NXN: variants seen among roughly 807,000 people sequenced by gnomAD.
The protein encoded by NXN is nucleoredoxin.
Under a neutral mutation model 48.6 loss-of-function variants are expected in NXN, and 16 were observed. The ratio of observed to expected loss-of-function variants is 0.33; its 90% CI spans 0.22 to 0.50. The LOEUF is 0.50. NXN is among the 20% of genes least tolerant of loss of function. The pLI is 0.98. For synonymous variants in NXN, 281 were observed against 269.6 expected (o/e 1.04, Z -0.41); for missense variants, 492 against 605.5 (o/e 0.81, Z 1.97).
chr17:864,682 C>G (rs1455742861), intron 1 of NXN, among the ~76,000 whole-genome samples: 1 of 152,202 alleles, frequency 6.6e-6, no homozygotes, highest in Non-Finnish European at 1.5e-5. Flanking sequence ...CCTTTCCAAC[C>G]TGATTATAAG....
chr17:921,314 CT>C (rs1481842254), intron 1 of NXN, among the ~76,000 whole-genome samples: 1 of 152,132 alleles, frequency 6.6e-6, no homozygotes, highest in Non-Finnish European at 1.5e-5. Context: ...CCACAGCCTC[CT>C]CCTACCCCGG....
intron 1 of NXN, among the ~76,000 whole-genome samples, chr17:834,522 C>T (rs922298819): frequency 6.6e-6 from 1 of 152,120 alleles, no homozygotes; most frequent in Admixed American, 6.5e-5. Context: ...TTAAGTGATT[C>T]TCCTGCCTCA....
intron 1 of NXN, among the ~76,000 whole-genome samples, chr17:853,738 T>TTTTTTTTTTTTTTTTCC (rs1555614493): frequency 3.5e-5 from 5 of 143,616 alleles, no homozygotes; most frequent in African/African-American, 1.4e-4. Context: ...TTTTTTTTTT[T>TTTTTTTTTTTTTTTTCC]CCAAGACGGA....
intron 1 of NXN, among the ~76,000 whole-genome samples, chr17:953,283 C>T (rs1338505961): frequency 1.3e-5 from 2 of 152,114 alleles, no homozygotes; most frequent in African/African-American, 2.4e-5. Context: ...GGCATGGTGG[C>T]TCACGCCTGT....
chr17:847,709 G>T (rs1479034738), intron 1 of NXN, among the ~76,000 whole-genome samples: 1 of 152,144 alleles, frequency 6.6e-6, no homozygotes, highest in Admixed American at 6.5e-5. Context: ...CTCCTGAAAT[G>T]AAAGGGTTCC....
rs564715838 is a variant in NXN at position 936,284 on chromosome 17, T to C, written c.360+43035A>G. ...CTGTTGTTAGACCAGAAACGTCCCC[T>C]GCGACAAAGCCTTTGGTTTTGCTTT... is the stretch of plus-strand genomic sequence containing the variant. On this transcript the variant is annotated intron_variant, in intron 1 of 7. Coordinates refer to ENST00000336868, the MANE Select transcript of NXN (RefSeq NM_022463.5). 3.9e-5 allele frequency among the ~76,000 whole-genome samples: 6 copies of C among 152,188 alleles called. No individual in the cohort carries two copies. The South Asian group carries it at 1.0e-3, about 26-fold the overall frequency.
At chr17:889,743 GAAAGAAAGAAAGAAAGAA>G (rs1220835483) in intron 1 of NXN, among the ~76,000 whole-genome samples, 7,519 of 100,144 alleles carry the variant, frequency 0.075, 458 homozygotes, top group African/African-American at 0.18. Flanking sequence ...AAGAAAGAAA[GAAAGAAAGAAAGAAAGAA>G]AAAGAAAGAA....
chr17:972,007 A>G (rs946912233), intron 1 of NXN, among the ~76,000 whole-genome samples: 29 of 152,164 alleles, frequency 1.9e-4, no homozygotes, highest in African/African-American at 6.7e-4. Flanking sequence ...CTCTATTAAA[A>G]ATATAAAAAT....
chr17:837,123 G>A (rs572215680), intron 1 of NXN, among the ~76,000 whole-genome samples: 4 of 152,184 alleles, frequency 2.6e-5, no homozygotes, highest in Admixed American at 6.5e-5. Context: ...GACTACGGTC[G>A]CACACCACCA....
chr17:802,249 G>A (rs1175588703), intron 7 of NXN, among the ~76,000 whole-genome samples: 3 of 152,066 alleles, frequency 2.0e-5, no homozygotes, highest in Non-Finnish European at 4.4e-5. Flanking sequence ...AGCCTCCTGA[G>A]TAGCTGGGAC....
intron 1 of NXN, among the ~76,000 whole-genome samples, chr17:906,605 C>T (rs2068583538): frequency 6.6e-6 from 1 of 150,616 alleles, no homozygotes; most frequent in Non-Finnish European, 1.5e-5. Flanking sequence ...CTCACTCTGT[C>T]ACCCAGGCTG....
At chr17:807,611 C>CA (rs1206827300) in intron 5 of NXN, among the ~76,000 whole-genome samples, 5 of 132,702 alleles carry the variant, frequency 3.8e-5, no homozygotes, top group African/African-American at 1.5e-4. Flanking sequence ...CACTCAGGGG[C>CA]TTCCCCGAGG....
intron 1 of NXN, among the ~76,000 whole-genome samples, chr17:833,864 C>T (rs779449706): frequency 7.2e-5 from 11 of 152,054 alleles, no homozygotes; most frequent in Admixed American, 1.3e-4. Context: ...CCTAAGATGA[C>T]GTTAACAGTG....
At chr17:805,024 G>GCCCCCCCCC in intron 6 of NXN, 44 bp downstream of exon 6, 1 of 1,380,614 alleles carries the variant, frequency 7.2e-7, no homozygotes, top group Non-Finnish European at 1.0e-6. Flanking sequence ...CTCCTGTCCC[G>GCCCCCCCCC]CCCCCCAGCC....
chr17:839,141 T>C (rs1298298085), intron 1 of NXN, among the ~76,000 whole-genome samples: 1 of 152,210 alleles, frequency 6.6e-6, no homozygotes, highest in East Asian at 1.9e-4. Flanking sequence ...GCTTGGTTCA[T>C]AGTGAGCGTC....
chr17:842,951 GGAAAGAAA>G (rs1194644564), intron 1 of NXN, among the ~76,000 whole-genome samples: 85 of 127,712 alleles, frequency 6.7e-4, no homozygotes, highest in African/African-American at 1.1e-3. Context: ...AAAAAAGAAA[GGAAAGAAA>G]GAAAGAGAGA....
At chr17:927,404 T>C (rs1248746172) in intron 1 of NXN, among the ~76,000 whole-genome samples, 1 of 151,746 alleles carries the variant, frequency 6.6e-6, no homozygotes, top group African/African-American at 2.4e-5. Flanking sequence ...AGCTCACAAG[T>C]TCCGGACCAG....
chr17:880,670 G>A (rs2068274310), intron 1 of NXN, among the ~76,000 whole-genome samples: 1 of 152,158 alleles, frequency 6.6e-6, no homozygotes, highest in Non-Finnish European at 1.5e-5. Flanking sequence ...AAGTTCGCCT[G>A]AGCTAATGCA....
intron 1 of NXN, among the ~76,000 whole-genome samples, chr17:971,016 G>A (rs1567526473): frequency 6.8e-6 from 1 of 147,488 alleles, no homozygotes; most frequent in Admixed American, 6.9e-5. Flanking sequence ...GTGCGATCTC[G>A]GCTCAATGCA....
Sources: allele counts gnomAD v4.1 joint callset (sites outside exome capture counted in the v4.1 genomes callset), GRCh38; gene constraint gnomAD v4.1.1; transcripts MANE v1.5; gene names NCBI Gene and HGNC (gene_info 2026-07-23, HGNC 2026-07-21).